TEN1: variants seen among roughly 807,000 people sequenced by gnomAD.
TEN1 encodes CST complex subunit TEN1.
TEN1 carries 6 observed loss-of-function variants against 9.3 expected under a neutral mutation model. The ratio of observed to expected loss-of-function variants is 0.65; its 90% CI spans 0.35 to 1.27. The LOEUF (loss-of-function observed/expected upper bound fraction) is 1.27, where lower values mean the gene tolerates loss of function less well. Ranked by LOEUF, TEN1 falls within the 50% of genes most tolerant of loss-of-function variation. The probability of loss-of-function intolerance (pLI) is 0.03; values close to 1 mark genes in which losing one functional copy is unlikely to be tolerated. For synonymous variants in TEN1, 65 were observed against 65.6 expected (o/e 0.99, Z 0.04); for missense variants, 149 against 158.2 (o/e 0.94, Z 0.31).
At chr17:75,981,529 G>C (rs1243884197) in intron 1 of TEN1, among the ~76,000 whole-genome samples, 4 of 151,432 alleles carry the variant, frequency 2.6e-5, no homozygotes, top group Non-Finnish European at 5.9e-5. Flanking sequence ...CCATTGTTTT[G>C]TAGTGTTGGG....
intron 3 of TEN1, among the ~76,000 whole-genome samples, chr17:75,994,891 G>A (rs1937792185): frequency 6.6e-6 from 1 of 152,106 alleles, no homozygotes; most frequent in South Asian, 2.1e-4. Flanking sequence ...CCTGACCTCT[G>A]GCCTGGGCAG....
At chr17:75,989,200 C>T (rs1442347586) in intron 2 of TEN1, among the ~76,000 whole-genome samples, 4 of 145,654 alleles carry the variant, frequency 2.7e-5, no homozygotes, top group Non-Finnish European at 3.0e-5. Flanking sequence ...CCCAGGTTCA[C>T]GCCATTCTCC....
rs867043835 is a variant in TEN1 at position 75,985,606 on chromosome 17, C to T, written c.-6-581C>T. ...ATGGCACGATCTTGGCTCACTGAAA[C>T]TTCCACCTCCTGGGTTCAAGCTATT... On this transcript the variant is annotated intron_variant, in intron 1 of 3. Coordinates refer to ENST00000397640, the MANE Select transcript of TEN1 (RefSeq NM_001113324.3). 1.4e-4 allele frequency among the ~76,000 whole-genome samples: 21 copies of T among 152,290 alleles called. No individual in the cohort carries two copies. In the South Asian group the frequency reaches 1.4e-3, roughly 11 times the overall value.
intron 1 of TEN1, 66 bp from the exon 2 acceptor site, chr17:75,986,121 C>T: frequency 8.0e-7 from 1 of 1,245,924 alleles, no homozygotes; most frequent in Non-Finnish European, 1.1e-6. Context: ...ATCTGCTAAT[C>T]TCTGTTTTGT....
Position 75,982,022 on chromosome 17 carries a change from G to A in TEN1, c.-7+2511G>A, listed in dbSNP as rs150611063. ...AGCCTGGGCGACAGAGTGAGACTCTGTCTCAAAAAACAAACAAAAAAAACC... is the reference window on the plus strand; with the variant it reads ...AGCCTGGGCGACAGAGTGAGACTCTATCTCAAAAAACAAACAAAAAAAACC... On this transcript the variant is annotated intron_variant, in intron 1 of 3. Coordinates refer to ENST00000397640, the MANE Select transcript of TEN1 (RefSeq NM_001113324.3). Among the ~76,000 whole-genome samples, 919 of 152,164 alleles carry A rather than the reference G, an allele frequency of 6.0e-3. 6 individuals are homozygous for A. Among genetic ancestry groups the A allele is most frequent in the Non-Finnish European group, 8.6e-3 (584 of 68,002 alleles).
At chr17:75,999,504 G>A (rs769371696) in intron 3 of TEN1, among the ~76,000 whole-genome samples, 10 of 151,902 alleles carry the variant, frequency 6.6e-5, no homozygotes, top group African/African-American at 1.5e-4. Flanking sequence ...CACTACACGC[G>A]GCTAATTTTT....
chr17:75,988,240 CAAAAAAA>C (rs749108730), intron 2 of TEN1, among the ~76,000 whole-genome samples: 2 of 89,452 alleles, frequency 2.2e-5, no homozygotes, highest in African/African-American at 8.8e-5. Flanking sequence ...AATTCGGCCT[CAAAAAAA>C]AAAAAAAAAG....
intron 3 of TEN1, among the ~76,000 whole-genome samples, chr17:75,995,740 C>T (rs1037328308): frequency 2.0e-5 from 3 of 152,214 alleles, no homozygotes; most frequent in South Asian, 2.1e-4. Context: ...GCCCACAAGC[C>T]CTTGCCATGC....
At chr17:75,986,411 A>T in intron 2 of TEN1, 127 bp downstream of exon 2, 1 of 971,998 alleles carries the variant, frequency 1.0e-6, no homozygotes, top group South Asian at 2.0e-5. Context: ...TACTAAAAAA[A>T]AAATTAGTTG....
At chr17:75,987,824 G>A (rs1473418989) in intron 2 of TEN1, among the ~76,000 whole-genome samples, 1 of 150,272 alleles carries the variant, frequency 6.7e-6, no homozygotes, top group East Asian at 2.0e-4. Flanking sequence ...GGCTGAGGCA[G>A]GAGAATCGCT....
chr17:75,993,726 G>C (rs946450335), intron 3 of TEN1, among the ~76,000 whole-genome samples: 1 of 152,162 alleles, frequency 6.6e-6, no homozygotes, highest in Non-Finnish European at 1.5e-5. Context: ...GCTGGGCGCC[G>C]TGGCTCACGC....
intron 3 of TEN1, among the ~76,000 whole-genome samples, chr17:75,996,332 G>A (rs1225219572): frequency 1.3e-5 from 2 of 151,884 alleles, no homozygotes; most frequent in Non-Finnish European, 2.9e-5. Flanking sequence ...CAAAAAATAC[G>A]AAATTAGCTG....
chr17:75,991,756 C>T, intron 3 of TEN1, 133 bp downstream of exon 3: 1 of 1,158,418 alleles, frequency 8.6e-7, no homozygotes, highest in Non-Finnish European at 1.2e-6. Context: ...TCCAAATTAG[C>T]CCACAAGTTC....
Position 75,986,198 on chromosome 17 carries a change from G to A in TEN1, c.6G>A (p.Met2Ile). 2.6e-6 allele frequency: 4 copies of A among 1,547,644 alleles called. No homozygotes were observed. Among genetic ancestry groups the A allele is most frequent in the Non-Finnish European group, 3.5e-6 (4 of 1,145,136 alleles). M[M>I]LPKPGTYYLP... ...CTATTTGGTTACAGGAGCCCATGAT[G>A]CTGCCCAAACCTGGGACCTATTACC... The change falls in exon 2 of 4, where the codon ATG becomes ATA. Residue 2 changes from methionine to isoleucine, a missense_variant. Physicochemically the swap from Met to Ile is conservative, Grantham distance 10. Coordinates refer to ENST00000397640, the MANE Select transcript of TEN1 (RefSeq NM_001113324.3).
intron 2 of TEN1, among the ~76,000 whole-genome samples, chr17:75,988,450 T>C (rs2066165148): frequency 6.7e-6 from 1 of 150,092 alleles, no homozygotes; most frequent in Admixed American, 6.7e-5. Flanking sequence ...TAGCCCCAGC[T>C]ACTGGGGAGG....
chr17:75,982,958 G>A (rs1377583879), intron 1 of TEN1, among the ~76,000 whole-genome samples: 7 of 143,152 alleles, frequency 4.9e-5, no homozygotes, highest in African/African-American at 7.6e-5. Context: ...TGATCTGCCC[G>A]CCTTGGCTCA....
intron 1 of TEN1, among the ~76,000 whole-genome samples, chr17:75,982,873 G>T (rs1050723388): frequency 1.3e-5 from 2 of 151,048 alleles, no homozygotes; most frequent in Non-Finnish European, 2.9e-5. Flanking sequence ...ATCATGCCTG[G>T]CTAATTTTTG....
chr17:75,993,933 A>G (rs914265412), intron 3 of TEN1, among the ~76,000 whole-genome samples: 1 of 150,838 alleles, frequency 6.6e-6, no homozygotes, highest in South Asian at 2.1e-4. Flanking sequence ...GAGGCGGAGG[A>G]GGTTGCAGTG....
At chr17:75,993,108 C>CT (rs141385494) in intron 3 of TEN1, among the ~76,000 whole-genome samples, 39,281 of 128,418 alleles carry the variant, frequency 0.31, 7,329 homozygotes, top group East Asian at 0.62. Flanking sequence ...AAAGTTATTT[C>CT]TTTTTTTTTT....
Sources: allele counts gnomAD v4.1 joint callset (sites outside exome capture counted in the v4.1 genomes callset), GRCh38; gene constraint gnomAD v4.1.1; transcripts MANE v1.5; gene names NCBI Gene and HGNC (gene_info 2026-07-23, HGNC 2026-07-21).